VWA3B: variants seen among roughly 807,000 people sequenced by gnomAD.
The protein encoded by VWA3B is von Willebrand factor A domain containing 3B.
VWA3B carries 138 observed loss-of-function variants against 158.3 expected under a neutral mutation model. The ratio of observed to expected loss-of-function variants is 0.87; its 90% CI spans 0.76 to 1.00. VWA3B has a LOEUF of 1.00. Among genes scored for constraint, VWA3B ranks in the 50% least tolerant of loss-of-function variants. VWA3B has a pLI of 0.00. For synonymous variants in VWA3B, 596 were observed against 587.3 expected (o/e 1.01, Z -0.21); for missense variants, 1,555 against 1,565.1 (o/e 0.99, Z 0.11).
intron 21 of VWA3B, among the ~76,000 whole-genome samples, chr2:98,268,456 G>C (rs1194274605): frequency 1.3e-5 from 2 of 152,022 alleles, no homozygotes; most frequent in Non-Finnish European, 2.9e-5. Context: ...ATCTGCTGTT[G>C]AACCCCTCTA....
intron 23 of VWA3B, among the ~76,000 whole-genome samples, chr2:98,297,085 AT>A (rs751540124): frequency 0.043 from 6,076 of 142,874 alleles, 157 homozygotes; most frequent in Middle Eastern, 0.082. Flanking sequence ...CTCTTTTTTC[AT>A]TTTTTTTTTT....
Position 98,156,456 on chromosome 2 carries a change from G to A in VWA3B, c.989-6395G>A, listed in dbSNP as rs1054432867. Among the ~76,000 whole-genome samples the A allele has an allele frequency of 5.3e-5, 8 of 152,310 alleles. No individual in the cohort carries two copies. The South Asian group carries it at 1.4e-3, about 28-fold the overall frequency. On this transcript the variant is annotated intron_variant, in intron 7 of 27. Coordinates refer to ENST00000477737, the MANE Select transcript of VWA3B (RefSeq NM_144992.5). ...CAACCATCCTCACAGAGATAGGGCC[G>A]TTGCTGAGGACAGAGGCTGAGCAGA...
At chr2:98,115,546 C>A in intron 2 of VWA3B, 106 bp from the exon 3 acceptor site, 1 of 795,048 alleles carries the variant, frequency 1.3e-6, no homozygotes, top group Admixed American at 2.2e-5. Flanking sequence ...TTATTGATGG[C>A]ACAAGATATA....
chr2:98,143,626 T>C (rs1676948407), intron 7 of VWA3B, among the ~76,000 whole-genome samples: 1 of 152,092 alleles, frequency 6.6e-6, no homozygotes, highest in African/African-American at 2.4e-5. Flanking sequence ...GGAACTCAAA[T>C]ATAGTAAAAT....
intron 12 of VWA3B, chr2:98,207,018 A>G (rs1683078589): frequency 4.1e-6 from 2 of 493,586 alleles, no homozygotes; most frequent in African/African-American, 2.0e-5. Context: ...CTGTGGCTGA[A>G]TACTTCAGAG....
rs144587457 is a variant in VWA3B at position 98,289,703 on chromosome 2, T to C, written c.3046-808T>C. Among the ~76,000 whole-genome samples, 231 of 152,312 alleles carry C rather than the reference T, an allele frequency of 1.5e-3. 1 individual carries two copies. Among genetic ancestry groups the C allele is most frequent in the African/African-American group, 4.7e-3 (197 of 41,568 alleles). ...TGCTTGTCTCTCTCAAATTTGCTAG[T>C]GGACTTTTCTGTTGAAGGGCCCCTT... is the stretch of plus-strand genomic sequence containing the variant. On this transcript the variant is annotated intron_variant, in intron 22 of 27. Coordinates refer to ENST00000477737, the MANE Select transcript of VWA3B (RefSeq NM_144992.5).
In VWA3B at chr2:98,119,719, TCTCC is replaced by T. The variant is rs1674807979; in HGVS notation, c.499_502del (p.Leu167ArgfsTer7). On this transcript the variant is annotated frameshift_variant, in exon 4 of 28. Coordinates refer to ENST00000477737, the MANE Select transcript of VWA3B (RefSeq NM_144992.5). LOFTEE classifies it high-confidence loss of function. Reference sequence around the variant, plus strand: ...TGTGCCGAGAGGCTCTAACAATGGTTCTCCAGGAGCAGGTGGCTCACATAACCGA... The same window carrying T: ...TGTGCCGAGAGGCTCTAACAATGGTTAGGAGCAGGTGGCTCACATAACCGA... 1 of 1,613,938 alleles carries T rather than the reference TCTCC, an allele frequency of 6.2e-7. No individual in the cohort carries two copies. Among genetic ancestry groups the T allele is most frequent in the Admixed American group, 1.7e-5 (1 of 59,986 alleles).
chr2:98,109,691 T>C (rs1673989323), intron 2 of VWA3B, among the ~76,000 whole-genome samples: 1 of 152,144 alleles, frequency 6.6e-6, no homozygotes, highest in Non-Finnish European at 1.5e-5. Flanking sequence ...GTAGCTCTGC[T>C]AGCCACAAAT....
chr2:98,185,594 TCA>T (rs2105374950), intron 9 of VWA3B, among the ~76,000 whole-genome samples: 1 of 152,314 alleles, frequency 6.6e-6, no homozygotes, highest in Non-Finnish European at 1.5e-5. Context: ...CTCACTCCAC[TCA>T]CTCTCTGCAG....
chr2:98,245,928 G>T (rs1287141881), intron 19 of VWA3B, among the ~76,000 whole-genome samples: 1 of 152,026 alleles, frequency 6.6e-6, no homozygotes, highest in Non-Finnish European at 1.5e-5. Flanking sequence ...CCACCTTTCA[G>T]CCCACTGTCT....
intron 6 of VWA3B, among the ~76,000 whole-genome samples, chr2:98,130,881 G>A (rs1172026905): frequency 1.3e-5 from 2 of 152,174 alleles, no homozygotes; most frequent in Admixed American, 1.3e-4. Context: ...TGATCAAGTC[G>A]GGATTTAGGA....
intron 7 of VWA3B, among the ~76,000 whole-genome samples, chr2:98,147,276 T>TG (rs1263721344): frequency 6.6e-6 from 1 of 152,196 alleles, no homozygotes; most frequent in Non-Finnish European, 1.5e-5. Flanking sequence ...AGTATGAGGC[T>TG]GGGGGTCTGA....
intron 2 of VWA3B, among the ~76,000 whole-genome samples, chr2:98,102,275 C>T (rs995309058): frequency 2.0e-5 from 3 of 152,204 alleles, no homozygotes; most frequent in African/African-American, 7.2e-5. Context: ...CTACTTCTTT[C>T]TACACAGACA....
Position 98,093,299 on chromosome 2 carries a change from C to A in VWA3B, c.196+11C>A. 1 of 1,610,764 alleles carries A rather than the reference C, an allele frequency of 6.2e-7. No individual in the cohort carries two copies. Among genetic ancestry groups the A allele is most frequent in the Non-Finnish European group, 8.5e-7 (1 of 1,177,414 alleles). On this transcript the variant is annotated intron_variant, in intron 2 of 27. Transcript: ENST00000477737. ...TCCCACATTGTGAAGGTACAGTACTCACAAACAACCAGCATGCTGCCATTT... is the reference window on the plus strand; with the variant it reads ...TCCCACATTGTGAAGGTACAGTACTAACAAACAACCAGCATGCTGCCATTT...
intron 7 of VWA3B, among the ~76,000 whole-genome samples, chr2:98,147,786 G>T (rs1349338279): frequency 6.6e-6 from 1 of 151,518 alleles, no homozygotes; most frequent in Non-Finnish European, 1.5e-5. Context: ...GTGCCATGTT[G>T]GTGTGCTGCA....
At chr2:98,178,461 T>C (rs1246781070) in intron 8 of VWA3B, among the ~76,000 whole-genome samples, 1 of 152,232 alleles carries the variant, frequency 6.6e-6, no homozygotes, top group Admixed American at 6.5e-5. Flanking sequence ...GAATTGGCTC[T>C]AACATGATTT....
chr2:98,266,621 G>A (rs1426467299), intron 21 of VWA3B, among the ~76,000 whole-genome samples: 305 of 136,000 alleles, frequency 2.2e-3, no homozygotes, highest in African/African-American at 7.8e-3. Flanking sequence ...CATTGAATCT[G>A]TAAATTACCT....
intron 12 of VWA3B, among the ~76,000 whole-genome samples, chr2:98,197,830 T>A (rs1682186979): frequency 6.6e-6 from 1 of 152,122 alleles, no homozygotes; most frequent in Admixed American, 6.5e-5. Flanking sequence ...TTTCCCAGCC[T>A]CAGCCCTGAA....
rs1250246022 is a variant in VWA3B, at chr2:98,228,294, G to T, written c.2112G>T (p.Met704Ile). 6.2e-7 allele frequency: 1 copy of T among 1,614,060 alleles called. No individual in the cohort carries two copies. Among genetic ancestry groups the T allele is most frequent in the Admixed American group, 1.7e-5 (1 of 60,014 alleles). The change falls in exon 15 of 28, where the codon ATG becomes ATT. Residue 704 changes from methionine to isoleucine, a missense_variant. By Grantham distance (10) the Met-to-Ile change is conservative. Coordinates refer to ENST00000477737, the MANE Select transcript of VWA3B (RefSeq NM_144992.5). ...ACCTTTATTCTGAGTCCTTGATCAT[G>T]GACTGGTGGTACAATGCAGAAAAGG... The part of the protein sequence containing the change: ...MQDLYSESLI[M>I]DWWYNAEKDG...
Sources: allele counts gnomAD v4.1 joint callset (sites outside exome capture counted in the v4.1 genomes callset), GRCh38; gene constraint gnomAD v4.1.1; transcripts MANE v1.5; gene names NCBI Gene and HGNC (gene_info 2026-07-23, HGNC 2026-07-21).